Variants in STK32C observed in about 807,000 individuals in gnomAD.
The protein encoded by STK32C is serine/threonine-protein kinase 32C.
A neutral mutation model predicts 56.5 loss-of-function variants in STK32C; 31 were observed. The ratio of observed to expected loss-of-function variants is 0.55; its 90% CI spans 0.41 to 0.74. The LOEUF is 0.74. STK32C is among the 30% of genes least tolerant of loss of function. The pLI is 0.00. For synonymous variants in STK32C, 309 were observed against 289.4 expected (o/e 1.07, Z -0.69); for missense variants, 544 against 676.9 (o/e 0.80, Z 2.18).
chr10:132,291,357 A>G (rs10781566), intron 1 of STK32C, among the ~76,000 whole-genome samples: 57,067 of 151,986 alleles, frequency 0.38, 11,154 homozygotes, highest in African/African-American at 0.47. Context: ...GATGTTCTCG[A>G]TCTGAGATGT....
At position 132,307,708 on chromosome 10, in the gene STK32C, C is replaced by T. The variant is rs1305078631; in HGVS notation, c.126G>A (p.Gln42=). The T allele has an allele frequency of 1.4e-6, 2 of 1,427,418 alleles. No individual in the cohort carries two copies. The highest frequency in any genetic ancestry group is 1.4e-5 in the South Asian group (1 of 72,476). The allele number at this position is 1,427,418 out of a possible 1,614,324, so 88.4% of individuals were successfully genotyped here. The change falls in exon 1 of 12, where the codon CAG becomes CAA. Residue 42 remains glutamine, a synonymous_variant. Transcript: ENST00000298630. This position sits in a 1 kb window ranked among gnomAD's most constrained non-coding sequence, Gnocchi z 4.4. ...PSALPPPAAG[Q]PRARDSGDVR... is the part of the protein sequence containing the mutation. ...CATCGCCCGAGTCCCGGGCCCGGGG[C>T]TGGCCAGCAGCGGGCGGCGGCAGGG...
chr10:132,301,548 T>C (rs748545852), intron 1 of STK32C, among the ~76,000 whole-genome samples: 60 of 152,024 alleles, frequency 3.9e-4, no homozygotes, highest in Admixed American at 2.3e-3. Flanking sequence ...CACAGGATGC[T>C]CCGCCCAAAA....
At position 132,255,646 on chromosome 10, in the gene STK32C, C is replaced by G. The variant is rs1201270571; in HGVS notation, c.263-9691G>C. 3.9e-5 allele frequency among the ~76,000 whole-genome samples: 6 copies of G among 152,162 alleles called. No homozygotes were observed. The highest frequency in any genetic ancestry group is 9.7e-5 in the African/African-American group (4 of 41,444). ...CCCTGCAGGAAGCAGGTCCCTCAAC[C>G]CTTGCTGAGCCCCACGCGGTTTCCT... On this transcript the variant is annotated intron_variant, in intron 1 of 11. Transcript: ENST00000298630. The surrounding 1 kb of genome is among the most constrained non-coding windows in gnomAD (Gnocchi z 4.6).
intron 1 of STK32C, among the ~76,000 whole-genome samples, chr10:132,272,515 G>A (rs369286726): frequency 7.9e-5 from 12 of 152,158 alleles, no homozygotes; most frequent in East Asian, 7.7e-4. Context: ...CCGGATGCTC[G>A]GCCTGAAGCC....
intron 1 of STK32C, among the ~76,000 whole-genome samples, chr10:132,305,885 TG>T (rs1328455127): frequency 6.6e-6 from 1 of 152,136 alleles, no homozygotes; most frequent in Non-Finnish European, 1.5e-5. Context: ...GTGCTCAGTT[TG>T]GGGATGTGGC....
At chr10:132,225,462 C>A (rs1488398908) in intron 6 of STK32C, 65 bp downstream of exon 6, 6 of 1,604,562 alleles carry the variant, frequency 3.7e-6, no homozygotes, top group Non-Finnish European at 5.1e-6. Flanking sequence ...AGAGAAGCCA[C>A]CGAGGTCTTG....
intron 1 of STK32C, among the ~76,000 whole-genome samples, chr10:132,282,668 C>T (rs547793739): frequency 7.9e-5 from 12 of 152,376 alleles, no homozygotes; most frequent in Admixed American, 2.0e-4. Context: ...ATAATAACAA[C>T]GACGACGAAG....
chr10:132,273,936 G>GC (rs2064917489), intron 1 of STK32C, among the ~76,000 whole-genome samples: 1 of 152,226 alleles, frequency 6.6e-6, no homozygotes, highest in African/African-American at 2.4e-5. Flanking sequence ...TACTGACTGG[G>GC]CCTGGGCTGC....
intron 1 of STK32C, among the ~76,000 whole-genome samples, chr10:132,295,883 A>T (rs1463448883): frequency 6.9e-6 from 1 of 144,908 alleles, no homozygotes; most frequent in Admixed American, 6.9e-5. Context: ...ATTCCATCTT[A>T]AAAAAAAAAA....
exon 2 of STK32C, chr10:132,324,225 A>G (rs2066456755): frequency 1.3e-6 from 1 of 779,528 alleles, no homozygotes; most frequent in South Asian, 1.3e-5. Flanking sequence ...GAAATTCATT[A>G]ACAATTCATT....
At chr10:132,232,721 G>C (rs988634332) in intron 2 of STK32C, among the ~76,000 whole-genome samples, 43 of 151,392 alleles carry the variant, frequency 2.8e-4, no homozygotes, top group Non-Finnish European at 2.5e-4. Context: ...GCCACTGATG[G>C]GGAGGCCACA....
chr10:132,330,540 C>T, intron 1 of STK32C: 4 of 715,970 alleles, frequency 5.6e-6, no homozygotes, highest in South Asian at 4.4e-5. Flanking sequence ...GACAGGGTCT[C>T]GCTGTCACCG....
intron 2 of STK32C, among the ~76,000 whole-genome samples, chr10:132,238,698 C>T (rs1022151049): frequency 9.2e-5 from 14 of 152,084 alleles, no homozygotes; most frequent in African/African-American, 3.4e-4. Context: ...AGTGGCTGGC[C>T]CAGGAGGGGC....
rs1393690910 is a variant in STK32C, at chr10:132,224,719, C to T, written c.877-196G>A. Among the ~76,000 whole-genome samples the T allele has an allele frequency of 4.6e-5, 7 of 152,166 alleles. No homozygotes were observed. In the South Asian group the frequency reaches 1.0e-3, roughly 23 times the overall value. On this transcript the variant is annotated intron_variant, in intron 7 of 11. Coordinates refer to ENST00000298630, the MANE Select transcript of STK32C (RefSeq NM_173575.4). ...ATAAAGCTTACGCCTGGGTCCTGCG[C>T]CCTGGCTGCTGCGCCCATCTGGCTG... is the stretch of plus-strand genomic sequence containing the variant.
intron 2 of STK32C, among the ~76,000 whole-genome samples, chr10:132,230,380 G>A (rs1250677097): frequency 2.6e-5 from 4 of 152,218 alleles, no homozygotes; most frequent in Non-Finnish European, 4.4e-5. Flanking sequence ...AGGAGGCCGA[G>A]GAGTCCCGTG....
At chr10:132,292,811 G>A (rs2065610064) in intron 1 of STK32C, among the ~76,000 whole-genome samples, 1 of 152,138 alleles carries the variant, frequency 6.6e-6, no homozygotes, top group Non-Finnish European at 1.5e-5. Context: ...AGAAAGGTGT[G>A]AGGGAGGGCA....
At chr10:132,240,824 T>C (rs1243265857) in intron 2 of STK32C, among the ~76,000 whole-genome samples, 3 of 151,968 alleles carry the variant, frequency 2.0e-5, no homozygotes, top group African/African-American at 7.3e-5. Flanking sequence ...GGGGCGGGGC[T>C]GCACCCAACT....
In STK32C at chr10:132,265,127, G is replaced by T. The variant is rs1192860453; in HGVS notation, c.263-19172C>A. ...CGGTGAGGTGGGCTCTGGGGGTGCC[G>T]CAAGGGCAGTGAGGTGGGCTCTGGG... is the stretch of plus-strand genomic sequence containing the variant. On this transcript the variant is annotated intron_variant, in intron 1 of 11. Transcript: ENST00000298630. 2.2e-3 allele frequency among the ~76,000 whole-genome samples: 326 copies of T among 145,606 alleles called. 4 individuals are homozygous for T. The highest frequency in any genetic ancestry group is 8.0e-3 in the African/African-American group (301 of 37,672).
chr10:132,290,051 C>T (rs758253082), intron 1 of STK32C, among the ~76,000 whole-genome samples: 2 of 152,182 alleles, frequency 1.3e-5, no homozygotes, highest in African/African-American at 4.8e-5. Flanking sequence ...AACAGCAATC[C>T]GATTTGGCCA....
Sources: allele counts gnomAD v4.1 joint callset (sites outside exome capture counted in the v4.1 genomes callset), GRCh38; gene constraint gnomAD v4.1.1; non-coding constraint Gnocchi (gnomAD v3.1); transcripts MANE v1.5; gene names NCBI Gene and HGNC (gene_info 2026-07-23, HGNC 2026-07-21).